The following SYTL2 variants were observed in gnomAD, a reference collection of about 807,000 sequenced individuals.
The protein encoded by SYTL2 is synaptotagmin-like protein 2.
Under a neutral mutation model 198.7 loss-of-function variants are expected in SYTL2, and 165 were observed. That is an observed-to-expected ratio of 0.83 (90% CI 0.73 to 0.94). The LOEUF (loss-of-function observed/expected upper bound fraction) is 0.94. Among genes scored for constraint, SYTL2 ranks in the 40% least tolerant of loss-of-function variants. The pLI, the probability that SYTL2 is intolerant of heterozygous loss-of-function variation, is 0.00. For missense variants in SYTL2, 2,835 were observed against 2,582.8 expected (o/e 1.10, Z -2.12); for synonymous variants, 966 against 917.7 (o/e 1.05, Z -0.95).
At chr11:85,760,896 A>G (rs976012983) in intron 1 of SYTL2, among the ~76,000 whole-genome samples, 1 of 152,196 alleles carries the variant, frequency 6.6e-6, no homozygotes, top group Non-Finnish European at 1.5e-5. Context: ...TTAATTGGGT[A>G]GGTAGGAATC....
the SYTL2 span, chr11:85,852,743 G>A: frequency 6.1e-3 from 1,400 of 228,168 alleles, 21 homozygotes; most frequent in African/African-American, 0.032. Context: ...CCTCCCAGCC[G>A]CCTCCCTTGG....
chr11:85,786,653 G>A (rs910688985), intron 1 of SYTL2, among the ~76,000 whole-genome samples: 1 of 152,138 alleles, frequency 6.6e-6, no homozygotes, highest in African/African-American at 2.4e-5. Context: ...ATGGCAGGTC[G>A]AGAGAGGGGG....
At chr11:85,778,205 T>A (rs947743449) in intron 1 of SYTL2, among the ~76,000 whole-genome samples, 2 of 152,182 alleles carry the variant, frequency 1.3e-5, no homozygotes, top group African/African-American at 2.4e-5. Context: ...CACCAAGGGT[T>A]CTGAGATGAA....
At chr11:85,743,677 T>C (rs189842876) in intron 4 of SYTL2, among the ~76,000 whole-genome samples, 2 of 152,244 alleles carry the variant, frequency 1.3e-5, no homozygotes, top group South Asian at 2.1e-4. Context: ...TAGCCTCAAG[T>C]TGAGGAAGAG....
At chr11:85,805,308 C>T (rs1343369108) in intron 1 of SYTL2, among the ~76,000 whole-genome samples, 1 of 146,132 alleles carries the variant, frequency 6.8e-6, no homozygotes, top group Non-Finnish European at 1.5e-5. Flanking sequence ...CTGAGCAACA[C>T]AGTGAGATCC....
chr11:85,792,722 C>T (rs1286499516), intron 1 of SYTL2, among the ~76,000 whole-genome samples: 1 of 151,586 alleles, frequency 6.6e-6, no homozygotes, highest in Non-Finnish European at 1.5e-5. Context: ...TGGTGTGCTG[C>T]ACCCATTAAC....
intron 7 of SYTL2, among the ~76,000 whole-genome samples, chr11:85,731,682 T>C (rs964277894): frequency 6.6e-6 from 1 of 152,148 alleles, no homozygotes; most frequent in Non-Finnish European, 1.5e-5. Context: ...GGCAAAGACT[T>C]CATGACTAAA....
Position 85,725,188 on chromosome 11 carries a change from T to C in SYTL2, c.4170A>G (p.Glu1390=). ...CTGGGTTCACTTCTCCAGGACCTAC[T>C]TCCCTTCCAGCTGGATAACTTAACC... ...EVWLSYPAGR[E]VGPGEVNPEF... The change falls in exon 8 of 20, where the codon GAA becomes GAG. Residue 1390 remains glutamate, a synonymous_variant. Transcript: ENST00000359152. 2 of 1,614,152 alleles carry C rather than the reference T, an allele frequency of 1.2e-6. No homozygotes were observed. Among genetic ancestry groups the C allele is most frequent in the Non-Finnish European group, 1.7e-6 (2 of 1,180,004 alleles).
intron 1 of SYTL2, among the ~76,000 whole-genome samples, chr11:85,791,288 T>C (rs1009575138): frequency 1.3e-5 from 2 of 148,180 alleles, no homozygotes; most frequent in Admixed American, 6.8e-5. Flanking sequence ...CTTAAAAATA[T>C]ACAAAATTCC....
At chr11:85,811,562 A>G (rs1188646703), upstream of SYTL2, among the ~76,000 whole-genome samples, 1 of 152,092 alleles carries the variant, frequency 6.6e-6, no homozygotes, top group East Asian at 1.9e-4. Flanking sequence ...GAGGGTATGG[A>G]GCCCGGTCAT....
At chr11:85,695,391 G>A in intron 19 of SYTL2, 51 bp from the exon 20 acceptor site, 1 of 1,429,382 alleles carries the variant, frequency 7.0e-7, no homozygotes, top group South Asian at 1.5e-5. Flanking sequence ...TTGGGGGTAG[G>A]GGAAAGAGGG....
chr11:85,792,997 A>G (rs1335596730), intron 1 of SYTL2, among the ~76,000 whole-genome samples: 26 of 151,866 alleles, frequency 1.7e-4, no homozygotes, highest in Non-Finnish European at 3.2e-4. Flanking sequence ...CATGGTGTAT[A>G]TGTGCCACAT....
chr11:85,714,248 C>T (rs1267935072), intron 12 of SYTL2, among the ~76,000 whole-genome samples, 165 bp downstream of exon 12: 1 of 152,228 alleles, frequency 6.6e-6, no homozygotes, highest in Non-Finnish European at 1.5e-5. Context: ...TGTGCCTTTC[C>T]CTGTTCCAGG....
intron 18 of SYTL2, among the ~76,000 whole-genome samples, chr11:85,697,747 A>T (rs531726103): frequency 6.6e-6 from 1 of 152,324 alleles, no homozygotes; most frequent in Non-Finnish European, 1.5e-5. Context: ...AACACATTAC[A>T]CATTGAGTAT....
chr11:85,783,627 T>C (rs1020875374), intron 1 of SYTL2, among the ~76,000 whole-genome samples: 2 of 152,190 alleles, frequency 1.3e-5, no homozygotes, highest in East Asian at 1.9e-4. Context: ...ACCTTACATA[T>C]ATTAACTCAT....
rs139351251 is a variant in SYTL2 at position 85,745,690 on chromosome 11, C to T, written c.336G>A (p.Glu112=). The T allele has an allele frequency of 6.9e-4, 1,111 of 1,613,852 alleles. 2 individuals are homozygous for T. The highest frequency in any genetic ancestry group is 9.1e-4 in the Non-Finnish European group (1,076 of 1,179,852). ...CTGGCTCTTCTACAACGCCAGCCAG[C>T]TCTGGAGGAAGGAAAGCATCTTTGT... ...NVNKDAFLPP[E]LAGVVEEPEE... The change falls in exon 4 of 20, where the codon GAG becomes GAA. Residue 112 remains glutamate, a synonymous_variant. Coordinates refer to ENST00000359152, the MANE Select transcript of SYTL2 (RefSeq NM_206927.4).
At chr11:85,696,550 C>T (rs1223123482) in intron 18 of SYTL2, 162 bp from the exon 19 acceptor site, 4 of 631,868 alleles carry the variant, frequency 6.3e-6, no homozygotes, top group African/African-American at 3.7e-5. Flanking sequence ...GGGGTAGGAA[C>T]ACATCATGCT....
rs1411212463 is a variant in SYTL2 at position 85,725,355 on chromosome 11, G to A, written c.4003C>T (p.Gln1335Ter). 3 of 1,613,772 alleles carry A rather than the reference G, an allele frequency of 1.9e-6. No individual in the cohort carries two copies. The highest frequency in any genetic ancestry group is 1.7e-5 in the Admixed American group (1 of 60,006). ...GCCTGGGGAACAAGATGAGCATCCT[G>A]GGGAAAAAGCATATCTTGGGGAGGG... ...ASPPQDMLFP[Q>*]DAHLVPQARV... The change falls in exon 8 of 20, where the codon CAG (glutamine) becomes TAG (stop). Residue 1335 changes from glutamine to a stop codon, truncating the protein, a stop_gained. Transcript: ENST00000359152. LOFTEE classifies it high-confidence loss of function.
At chr11:85,702,719 C>T (rs917242112) in intron 16 of SYTL2, among the ~76,000 whole-genome samples, 2 of 152,036 alleles carry the variant, frequency 1.3e-5, no homozygotes, top group Non-Finnish European at 1.5e-5. Flanking sequence ...TAAATCCTCC[C>T]CAATTATTCC....
Sources: gnomAD v4.1 joint callset for allele counts (sites outside exome capture counted in the v4.1 genomes callset) on GRCh38, gnomAD v4.1.1 for gene constraint, MANE v1.5 for transcripts, NCBI Gene and HGNC (gene_info 2026-07-23, HGNC 2026-07-21) for gene names.